Variants in CREBRF observed in about 807,000 individuals in gnomAD.
CREBRF encodes CREB3 regulatory factor, also known as UPF0474 protein C5orf41.
In CREBRF, 5 loss-of-function variants were observed where a neutral mutation model predicts 66.1. The ratio of observed to expected loss-of-function variants is 0.08; its 90% CI spans 0.04 to 0.16. The LOEUF (loss-of-function observed/expected upper bound fraction) is 0.16, where lower values mean the gene tolerates loss of function less well. Among genes scored for constraint, CREBRF ranks in the 10% least tolerant of loss-of-function variants. The probability of loss-of-function intolerance (pLI) is 1.00; values close to 1 mark genes in which losing one functional copy is unlikely to be tolerated. For synonymous variants in CREBRF, 229 were observed against 264.4 expected, an observed-to-expected ratio of 0.87 and a Z score of 1.30; for missense variants, 531 against 744.9, an observed-to-expected ratio of 0.71 and a Z score of 3.34.
At chr5:173,093,165 G>A (rs1467730018) in intron 4 of CREBRF, among the ~76,000 whole-genome samples, 2 of 152,052 alleles carry the variant, frequency 1.3e-5, no homozygotes, top group Non-Finnish European at 2.9e-5. Context: ...GGTAATTAAG[G>A]GAAATGGCAA....
Position 173,091,226 on chromosome 5 carries a change from A to C in CREBRF, c.1047A>C (p.Pro349=), listed in dbSNP as rs751867868. The part of the protein sequence containing the change: ...LFVSDNLGEQ[P]TKCSPEEDEE... Reference sequence around the variant, plus strand: ...TCTCCGACAACTTGGGTGAACAGCCAACTAAATGCAGTCCTGAAGAAGATG... The same window carrying C: ...TCTCCGACAACTTGGGTGAACAGCCCACTAAATGCAGTCCTGAAGAAGATG... The change falls in exon 4 of 9, where the codon CCA becomes CCC. Residue 349 remains proline (P), a synonymous_variant. Coordinates refer to ENST00000296953, the MANE Select transcript of CREBRF (RefSeq NM_153607.3). 4.3e-5 allele frequency: 70 copies of C among 1,614,046 alleles called. No individual in the cohort carries two copies. Among genetic ancestry groups the C allele is most frequent in the Non-Finnish European group, 5.8e-5 (69 of 1,180,026 alleles).
intron 7 of CREBRF, among the ~76,000 whole-genome samples, chr5:173,114,007 A>T (rs1305521856): frequency 6.6e-6 from 1 of 152,164 alleles, no homozygotes; most frequent in African/African-American, 2.4e-5. Context: ...AACAATGACC[A>T]ATTATTTGTT....
chr5:173,086,136 G>A (rs984519592), intron 2 of CREBRF: 3 of 790,294 alleles, frequency 3.8e-6, no homozygotes, highest in African/African-American at 3.4e-5. Context: ...AAATTTGTTT[G>A]TCGTGTAGGA....
At chr5:173,126,546 G>A (rs752666224) in intron 8 of CREBRF, among the ~76,000 whole-genome samples, 7 of 152,148 alleles carry the variant, frequency 4.6e-5, no homozygotes, top group Non-Finnish European at 7.3e-5. Context: ...ACTTCTGACT[G>A]TGGGCTCCTT....
intron 4 of CREBRF, among the ~76,000 whole-genome samples, chr5:173,104,101 A>G (rs577676057): frequency 1.7e-4 from 26 of 152,306 alleles, no homozygotes; most frequent in African/African-American, 6.0e-4. Context: ...AAAAGTAGAC[A>G]TCTTTATCTT....
intron 1 of CREBRF, among the ~76,000 whole-genome samples, chr5:173,073,693 C>A (rs1369333699): frequency 6.6e-6 from 1 of 152,166 alleles, no homozygotes; most frequent in South Asian, 2.1e-4. Context: ...TAGGGCCGGG[C>A]GCAGTGGCTT....
Position 173,090,813 on chromosome 5 carries a change from C to G in CREBRF, c.634C>G (p.Gln212Glu). 6.2e-7 allele frequency: 1 copy of G among 1,614,120 alleles called. No individual in the cohort carries two copies. The highest frequency in any genetic ancestry group is 1.1e-5 in the South Asian group (1 of 91,080). The change falls in exon 4 of 9, where the codon CAA becomes GAA. Residue 212 changes from glutamine to glutamate, a missense_variant. Transcript: ENST00000296953. The surrounding 1 kb of genome is among the most constrained non-coding windows in gnomAD (Gnocchi z 4.5). ...QKASKPTSST[Q>E]IMVKTNMYHN... is the part of the protein sequence containing the mutation. ...AGCAAGTAAACCCACTTCAAGCACA[C>G]AAATCATGGTGAAGACCAACATGTA...
At chr5:173,111,402 G>T (rs1464248598) in intron 6 of CREBRF, among the ~76,000 whole-genome samples, 3 of 152,148 alleles carry the variant, frequency 2.0e-5, no homozygotes, top group Non-Finnish European at 4.4e-5. Flanking sequence ...AAGTAGCTGG[G>T]ATTATAGATG....
At chr5:173,076,588 T>C (rs1316140335) in intron 1 of CREBRF, among the ~76,000 whole-genome samples, 2 of 151,962 alleles carry the variant, frequency 1.3e-5, no homozygotes, top group South Asian at 4.2e-4. Flanking sequence ...CGGTCTTTAC[T>C]AAAAATACAA....
At position 173,112,391 on chromosome 5, in the gene CREBRF, G is replaced by C; in HGVS notation, c.1681+12G>C. On this transcript the variant is annotated intron_variant, in intron 7 of 8. Transcript: ENST00000296953. The stretch of plus-strand genomic sequence containing the variant: ...CAACACAGAATATGGTAAACCTAAA[G>C]TTTTAAGAAGTTGATTAACCACCTA... 6.6e-7 allele frequency: 1 copy of C among 1,522,206 alleles called. No individual in the cohort carries two copies. Among genetic ancestry groups the C allele is most frequent in the Non-Finnish European group, 8.9e-7 (1 of 1,117,888 alleles). 94.3% of individuals were successfully genotyped at this position (1,522,206 alleles called of 1,614,324 possible). A position where few individuals can be genotyped will look rare whatever the true frequency, so the allele number is the denominator to read the frequency against.
Position 173,112,815 on chromosome 5 carries a change from T to C in CREBRF, c.1681+436T>C, listed in dbSNP as rs186057660. Among the ~76,000 whole-genome samples, 9 of 152,318 alleles carry C rather than the reference T, an allele frequency of 5.9e-5. No individual in the cohort carries two copies. In the East Asian group the frequency reaches 1.5e-3, roughly 26 times the overall value. On this transcript the variant is annotated intron_variant, in intron 7 of 8. Coordinates refer to ENST00000296953, the MANE Select transcript of CREBRF (RefSeq NM_153607.3). ...TTAATATTTTCCCTAAATTGAATAA[T>C]GATATTTTAGGCTTCGTATGAATAA...
At chr5:173,115,114 T>C (rs541960019) in intron 7 of CREBRF, among the ~76,000 whole-genome samples, 241 of 151,596 alleles carry the variant, frequency 1.6e-3, no homozygotes, top group Admixed American at 5.2e-3. Flanking sequence ...TTTTCTTTTT[T>C]TTTTTTTTTG....
intron 4 of CREBRF, among the ~76,000 whole-genome samples, chr5:173,102,152 G>C (rs896698200): frequency 6.6e-6 from 1 of 152,100 alleles, no homozygotes; most frequent in African/African-American, 2.4e-5. Flanking sequence ...ATGTTCTCTT[G>C]TTGCTCACTG....
intron 1 of CREBRF, among the ~76,000 whole-genome samples, chr5:173,077,094 C>T (rs902221072): frequency 2.0e-5 from 3 of 151,672 alleles, no homozygotes; most frequent in Non-Finnish European, 4.4e-5. Context: ...CAGGCGCCCG[C>T]CACCATGTCC....
At chr5:173,133,565 T>A in intron 8 of CREBRF, 65 bp from the exon 9 acceptor site, 1 of 870,074 alleles carries the variant, frequency 1.1e-6, no homozygotes, top group Non-Finnish European at 1.9e-6. Flanking sequence ...TTTTACCAGC[T>A]CCTTCCCTTC....
At chr5:173,130,529 C>CTT (rs538315894) in intron 8 of CREBRF, among the ~76,000 whole-genome samples, 14 of 141,830 alleles carry the variant, frequency 9.9e-5, no homozygotes, top group South Asian at 4.5e-4. Context: ...AAATTCATTG[C>CTT]TTTTTTTTTT....
At chr5:173,115,741 A>G (rs992943763) in intron 7 of CREBRF, among the ~76,000 whole-genome samples, 1 of 152,020 alleles carries the variant, frequency 6.6e-6, no homozygotes, top group Admixed American at 6.6e-5. Flanking sequence ...AGTAGCTGGG[A>G]CTACAGGCAC....
In CREBRF at chr5:173,086,567, A is replaced by G. The variant is rs143944605; in HGVS notation, c.76A>G (p.Thr26Ala). 1.2e-6 allele frequency: 2 copies of G among 1,613,868 alleles called. No homozygotes were observed. Among genetic ancestry groups the G allele is most frequent in the Non-Finnish European group, 1.7e-6 (2 of 1,179,944 alleles). ...TCGAAGCCACACCTTTTCGGAACAAACTCTGATGAGCACAGATCTCTTAGC... is the reference window on the plus strand; with the variant it reads ...TCGAAGCCACACCTTTTCGGAACAAGCTCTGATGAGCACAGATCTCTTAGC... Reference protein sequence around the residue: ...AFRSHTFSEQTLMSTDLLANS... With the variant: ...AFRSHTFSEQALMSTDLLANS... Residue 26 changes from threonine (T) to alanine (A), a missense_variant, in exon 3 of 9, where the codon ACT (threonine) becomes GCT (alanine). Coordinates refer to ENST00000296953, the MANE Select transcript of CREBRF (RefSeq NM_153607.3).
intron 8 of CREBRF, among the ~76,000 whole-genome samples, chr5:173,128,062 AT>A (rs1347541467): frequency 1.3e-5 from 2 of 151,928 alleles, no homozygotes; most frequent in African/African-American, 4.8e-5. Context: ...TAGATGCTTA[AT>A]TTTTTTCTTT....
Sources: gnomAD v4.1 joint callset for allele counts (sites outside exome capture counted in the v4.1 genomes callset) on GRCh38, gnomAD v4.1.1 for gene constraint, Gnocchi (gnomAD v3.1) non-coding constraint, MANE v1.5 for transcripts, NCBI Gene and HGNC (gene_info 2026-07-23, HGNC 2026-07-21) for gene names.